The following LINGO2 variants were observed in gnomAD, a reference collection of about 807,000 sequenced individuals.
LINGO2 encodes leucine-rich repeat and immunoglobulin-like domain-containing nogo receptor-interacting protein 2.
In LINGO2, 14 loss-of-function variants were observed where a neutral mutation model predicts 30.6. The observed-to-expected ratio is 0.46, with a 90% CI of 0.30 to 0.72. The LOEUF is 0.72. Among genes scored for constraint, LINGO2 ranks in the 30% least tolerant of loss-of-function variants. LINGO2 has a pLI of 0.07. For missense variants in LINGO2, 729 were observed against 751.7 expected (o/e 0.97, Z 0.35); for synonymous variants, 317 against 288.5 (o/e 1.10, Z -1.00).
chr9:28,564,361 A>C (rs958109437), intron 1 of LINGO2, among the ~76,000 whole-genome samples: 12 of 152,128 alleles, frequency 7.9e-5, no homozygotes, highest in Admixed American at 2.6e-4. Context: ...GGAGTAGATA[A>C]TTCTAAATAA....
chr9:28,721,353 T>C, the LINGO2 span, among the ~76,000 whole-genome samples: 1 of 152,140 alleles, frequency 6.6e-6, no homozygotes, highest in Non-Finnish European at 1.5e-5. Context: ...TAAAGACACA[T>C]GCACACATAT....
Position 28,147,953 on chromosome 9 carries a change from C to A in LINGO2, c.-86-135548G>T, listed in dbSNP as rs2133533694. On this transcript the variant is annotated intron_variant, in intron 4 of 5. Transcript: ENST00000379992. The surrounding 1 kb of genome is among the most constrained non-coding windows in gnomAD (Gnocchi z 4.7). ...TTAGGAGTATCCTCTCCGCTTCTGA[C>A]CCTTGGTTTCGTCTGTGCACAACTC... is the stretch of plus-strand genomic sequence containing the variant. Among the ~76,000 whole-genome samples the A allele has an allele frequency of 6.6e-6, 1 of 152,314 alleles. No homozygotes were observed. Among genetic ancestry groups the A allele is most frequent in the Non-Finnish European group, 1.5e-5 (1 of 68,024 alleles).
the LINGO2 span, among the ~76,000 whole-genome samples, chr9:29,106,746 T>C: frequency 6.6e-6 from 1 of 152,332 alleles, no homozygotes; most frequent in Middle Eastern, 3.4e-3. Context: ...TATAGACTTT[T>C]ATTTTAATTC....
the LINGO2 span, among the ~76,000 whole-genome samples, chr9:28,862,425 A>AT: frequency 6.6e-6 from 1 of 152,146 alleles, no homozygotes; most frequent in Non-Finnish European, 1.5e-5. Context: ...GGTTAAAAGT[A>AT]TACATATTGA....
the LINGO2 span, among the ~76,000 whole-genome samples, chr9:29,029,863 G>GGT: frequency 3.4e-5 from 5 of 148,472 alleles, no homozygotes; most frequent in African/African-American, 9.9e-5. Flanking sequence ...GAAGCTTTCA[G>GGT]TTTTTTTTTT....
chr9:29,211,679 T>C, the LINGO2 span, among the ~76,000 whole-genome samples: 18 of 151,932 alleles, frequency 1.2e-4, no homozygotes, highest in Non-Finnish European at 2.5e-4. Flanking sequence ...AAATGCTGAA[T>C]GGGGAGACTT....
chr9:28,606,453 A>G (rs1825697908), intron 1 of LINGO2, among the ~76,000 whole-genome samples: 1 of 151,998 alleles, frequency 6.6e-6, no homozygotes, highest in African/African-American at 2.4e-5. Flanking sequence ...AGTAATATAG[A>G]TATAATACCA....
the LINGO2 span, among the ~76,000 whole-genome samples, chr9:29,074,666 T>C: frequency 1.3e-5 from 2 of 150,422 alleles, no homozygotes; most frequent in African/African-American, 4.9e-5. Flanking sequence ...TCTTGATTTT[T>C]AAAATTACTT....
chr9:28,089,363 G>C (rs557903977), intron 4 of LINGO2, among the ~76,000 whole-genome samples: 174 of 152,208 alleles, frequency 1.1e-3, no homozygotes, highest in Non-Finnish European at 2.3e-3. Context: ...ATAACAAACT[G>C]TCTCTCAGAC....
chr9:28,271,042 C>T lies in LINGO2; in HGVS notation c.-87+24166G>A, dbSNP rs562117023. Among the ~76,000 whole-genome samples, 5 of 151,990 alleles carry T rather than the reference C, an allele frequency of 3.3e-5. No homozygotes were observed. The South Asian group carries it at 1.0e-3, about 32-fold the overall frequency. ...TCATCAGAAGCATGAGCATTCTTTC[C>T]TATCATCAGTTATTAAGCAACCCAT... On this transcript the variant is annotated intron_variant, in intron 4 of 5. Transcript: ENST00000379992.
At chr9:28,842,003 C>T in the LINGO2 span, among the ~76,000 whole-genome samples, 2 of 151,786 alleles carry the variant, frequency 1.3e-5, no homozygotes, top group Admixed American at 1.3e-4. Context: ...ACTGAAAACA[C>T]TTCCTACTTC....
At chr9:29,095,291 T>C in the LINGO2 span, among the ~76,000 whole-genome samples, 1 of 138,870 alleles carries the variant, frequency 7.2e-6, no homozygotes, top group Non-Finnish European at 1.6e-5. Context: ...TAAGAGTAAA[T>C]TTTTTATTTA....
At chr9:28,729,839 G>C in the LINGO2 span, among the ~76,000 whole-genome samples, 8 of 151,838 alleles carry the variant, frequency 5.3e-5, no homozygotes, top group Non-Finnish European at 8.8e-5. Context: ...AATTCAAAGA[G>C]ATGACTAGGG....
the LINGO2 span, among the ~76,000 whole-genome samples, chr9:28,804,805 C>T: frequency 6.6e-6 from 1 of 152,156 alleles, no homozygotes; most frequent in African/African-American, 2.4e-5. Flanking sequence ...AATCAGAGAT[C>T]ATTTTTACCA....
At chr9:29,165,408 G>C in the LINGO2 span, among the ~76,000 whole-genome samples, 3 of 151,964 alleles carry the variant, frequency 2.0e-5, no homozygotes, top group Non-Finnish European at 2.9e-5. Flanking sequence ...ACCTTATGTT[G>C]GCTCTCTGTG....
downstream of LINGO2, chr9:27,943,308 A>G (rs974638379): frequency 2.6e-5 from 4 of 152,082 alleles, no homozygotes; most frequent in Non-Finnish European, 1.5e-5. Flanking sequence ...ACTTTATTGG[A>G]ATATAGTTAA....
intron 1 of LINGO2, among the ~76,000 whole-genome samples, chr9:28,650,558 G>A (rs1314032601): frequency 6.6e-6 from 1 of 152,052 alleles, no homozygotes; most frequent in Non-Finnish European, 1.5e-5. Flanking sequence ...AGTCCTGTGG[G>A]AAGATCAATG....
the LINGO2 span, among the ~76,000 whole-genome samples, chr9:29,165,742 G>A: frequency 6.6e-6 from 1 of 152,028 alleles, no homozygotes; most frequent in African/African-American, 2.4e-5. Context: ...ATTTACTGAT[G>A]ATTAAAGTTT....
At chr9:28,993,829 A>G in the LINGO2 span, among the ~76,000 whole-genome samples, 22 of 152,286 alleles carry the variant, frequency 1.4e-4, no homozygotes, top group African/African-American at 5.3e-4. Context: ...CCTGCATGCT[A>G]AAAACTCTCA....
Sources: gnomAD v4.1 joint callset for allele counts (sites outside exome capture counted in the v4.1 genomes callset) on GRCh38, gnomAD v4.1.1 for gene constraint, Gnocchi (gnomAD v3.1) non-coding constraint, MANE v1.5 for transcripts, NCBI Gene and HGNC (gene_info 2026-07-23, HGNC 2026-07-21) for gene names.